The following FUT8 variants were observed in gnomAD, a reference collection of about 807,000 sequenced individuals.
The protein encoded by FUT8 is fucosyltransferase 8, also known as alpha-(1,6)-fucosyltransferase.
FUT8 carries 29 observed loss-of-function variants against 71.3 expected under a neutral mutation model. That is an observed-to-expected ratio of 0.41 (90% CI 0.30 to 0.55). FUT8 has a LOEUF of 0.55. Ranked by LOEUF, FUT8 falls within the 20% of genes least tolerant of loss-of-function variation. The pLI is 0.34. For synonymous variants in FUT8, 254 were observed against 239.3 expected (o/e 1.06, Z -0.57); for missense variants, 544 against 702.1 (o/e 0.77, Z 2.55).
rs2066684617 is a variant in FUT8 at position 65,503,863 on chromosome 14, G to T, written c.-228+48145G>T. Among the ~76,000 whole-genome samples, 3 of 152,290 alleles carry T rather than the reference G, an allele frequency of 2.0e-5. No homozygotes were observed. In the South Asian group the frequency reaches 6.2e-4, roughly 32 times the overall value. On this transcript the variant is annotated intron_variant, in intron 2 of 10. Transcript: ENST00000673929. ...TTCCTACAGATGGGTGAAGAAAAAA[G>T]CTCAATGTTAGGATCCTTAACAAAG... is the stretch of plus-strand genomic sequence containing the variant.
At chr14:65,631,373 CT>C (rs919210149) in intron 6 of FUT8, among the ~76,000 whole-genome samples, 74 of 148,856 alleles carry the variant, frequency 5.0e-4, no homozygotes, top group African/African-American at 8.9e-4. Context: ...TTTTAGTTTC[CT>C]TTTTTTTTTC....
intron 7 of FUT8, among the ~76,000 whole-genome samples, chr14:65,697,730 G>A (rs1430847129): frequency 1.3e-5 from 2 of 152,110 alleles, no homozygotes; most frequent in Admixed American, 1.3e-4. Flanking sequence ...GATCACCTGC[G>A]GTCAGGAGTG....
chr14:65,590,049 A>G (rs955049223), intron 3 of FUT8, among the ~76,000 whole-genome samples: 2 of 152,302 alleles, frequency 1.3e-5, no homozygotes, highest in African/African-American at 4.8e-5. Flanking sequence ...CTTAGGGGAA[A>G]GAAACAGAAA....
At position 65,422,130 on chromosome 14, in the gene FUT8, T is replaced by C. The variant is rs890334027; in HGVS notation, c.-326+8916T>C. 4.6e-5 allele frequency among the ~76,000 whole-genome samples: 7 copies of C among 152,266 alleles called. No homozygotes were observed. In the South Asian group the frequency reaches 6.2e-4, roughly 14 times the overall value. On this transcript the variant is annotated intron_variant, in intron 1 of 10. Coordinates refer to ENST00000673929, the MANE Select transcript of FUT8 (RefSeq NM_001371533.1). Reference sequence around the variant, plus strand: ...TGGGGTTCCGGGTGGCCAGGGGTATTGTTCAATAATAAAAGAACTTACAGG... The same window carrying C: ...TGGGGTTCCGGGTGGCCAGGGGTATCGTTCAATAATAAAAGAACTTACAGG...
chr14:65,587,950 G>A (rs1395166675), intron 3 of FUT8, among the ~76,000 whole-genome samples: 1 of 152,148 alleles, frequency 6.6e-6, no homozygotes, highest in Non-Finnish European at 1.5e-5. Flanking sequence ...AATAGATGAT[G>A]GTAATTGGTA....
At chr14:65,513,415 T>C (rs952046301) in intron 2 of FUT8, among the ~76,000 whole-genome samples, 3 of 152,202 alleles carry the variant, frequency 2.0e-5, no homozygotes, top group African/African-American at 7.2e-5. Flanking sequence ...GCCTGGGAGC[T>C]TTCCTCTAAA....
intron 2 of FUT8, among the ~76,000 whole-genome samples, chr14:65,474,574 C>T (rs914172323): frequency 2.0e-5 from 3 of 151,520 alleles, no homozygotes; most frequent in African/African-American, 4.9e-5. Flanking sequence ...ACTCTAAGAG[C>T]AAAACTCTGT....
chr14:65,650,742 C>T (rs1043995160), intron 6 of FUT8, among the ~76,000 whole-genome samples: 1 of 147,322 alleles, frequency 6.8e-6, no homozygotes. Flanking sequence ...AAAAAAACCA[C>T]AAACTTGTAA....
At chr14:65,372,734 G>A in the FUT8 span, among the ~76,000 whole-genome samples, 6 of 152,168 alleles carry the variant, frequency 3.9e-5, no homozygotes, top group Non-Finnish European at 7.3e-5. Flanking sequence ...TTCTTTAGTA[G>A]AATGCTGTTC....
At chr14:65,488,950 G>A (rs2066446756) in intron 2 of FUT8, among the ~76,000 whole-genome samples, 1 of 152,030 alleles carries the variant, frequency 6.6e-6, no homozygotes, top group South Asian at 2.1e-4. Flanking sequence ...ACAACCTGAA[G>A]AATAATATGT....
Position 65,677,151 on chromosome 14 carries a change from T to TGTGTGTGTGCGCGCGC in FUT8, c.835+7672_835+7673insTGTGTGTGCGCGCGCG. Among the ~76,000 whole-genome samples, 126 of 110,730 alleles carry TGTGTGTGTGCGCGCGC rather than the reference T, an allele frequency of 1.1e-3. 1 individual carries two copies. The highest frequency in any genetic ancestry group is 1.8e-3 in the Non-Finnish European group (98 of 55,694). The allele number at this position is 110,730 out of a possible 152,430, so 72.6% of individuals were successfully genotyped here. ...GTGTGTGTGTGTGTGTGTGTGTGTG[T>TGTGTGTGTGCGCGCGC]GCGCGCGCGCATGCGCGCGCACGTA... is the stretch of plus-strand genomic sequence containing the variant. On this transcript the variant is annotated intron_variant, in intron 7 of 10. Coordinates refer to ENST00000673929, the MANE Select transcript of FUT8 (RefSeq NM_001371533.1).
chr14:65,470,348 G>A (rs1594667875), intron 2 of FUT8, among the ~76,000 whole-genome samples: 1 of 152,078 alleles, frequency 6.6e-6, no homozygotes. Context: ...TATGGGGTTG[G>A]GGGACAGGGC....
intron 3 of FUT8, among the ~76,000 whole-genome samples, chr14:65,581,815 C>T (rs1024131402): frequency 4.6e-5 from 7 of 152,120 alleles, no homozygotes; most frequent in Non-Finnish European, 8.8e-5. Context: ...TTTTCTTCCT[C>T]GAATGATGCC....
intron 3 of FUT8, among the ~76,000 whole-genome samples, chr14:65,581,460 G>T (rs1887084226): frequency 6.6e-6 from 1 of 151,992 alleles, no homozygotes; most frequent in South Asian, 2.1e-4. Context: ...ATTATGATGG[G>T]ACTGAGGTTC....
intron 7 of FUT8, among the ~76,000 whole-genome samples, chr14:65,687,436 CA>C (rs1357476132): frequency 6.6e-6 from 1 of 151,892 alleles, no homozygotes; most frequent in Non-Finnish European, 1.5e-5. Flanking sequence ...TTGGTGATGC[CA>C]AATCTGTTTA....
intron 1 of FUT8, among the ~76,000 whole-genome samples, chr14:65,424,738 G>A (rs1324074532): frequency 6.6e-6 from 1 of 151,876 alleles, no homozygotes; most frequent in Non-Finnish European, 1.5e-5. Flanking sequence ...ATAGCTCACT[G>A]CAACCTCTGC....
intron 2 of FUT8, among the ~76,000 whole-genome samples, chr14:65,545,401 T>C (rs1884931815): frequency 6.6e-6 from 1 of 151,932 alleles, no homozygotes; most frequent in African/African-American, 2.4e-5. Context: ...TAATTAGCTT[T>C]TCTTTAAAAG....
chr14:65,490,805 AG>A (rs1442683001), intron 2 of FUT8, among the ~76,000 whole-genome samples: 1 of 152,072 alleles, frequency 6.6e-6, no homozygotes, highest in East Asian at 1.9e-4. Context: ...GCAAAAAGCA[AG>A]GTTTAGAGCC....
intron 7 of FUT8, among the ~76,000 whole-genome samples, chr14:65,676,045 C>G (rs1461902060): frequency 6.6e-6 from 1 of 151,826 alleles, no homozygotes; most frequent in African/African-American, 2.4e-5. Context: ...AAACCTGTCT[C>G]CCCAGATCCC....
Sources: allele counts gnomAD v4.1 joint callset (sites outside exome capture counted in the v4.1 genomes callset), GRCh38; gene constraint gnomAD v4.1.1; transcripts MANE v1.5; gene names NCBI Gene and HGNC (gene_info 2026-07-23, HGNC 2026-07-21).